Variants in TMCO5A observed in about 807,000 individuals in gnomAD.
TMCO5A encodes transmembrane and coiled-coil domain-containing protein 5A.
In TMCO5A, 34 loss-of-function variants were observed where a neutral mutation model predicts 42.3. That is an observed-to-expected ratio of 0.80 (90% confidence interval 0.61 to 1.07). TMCO5A has a LOEUF of 1.07. TMCO5A is among the 50% of genes least tolerant of loss of function. The probability of loss-of-function intolerance (pLI) is 0.00; values close to 1 mark genes in which losing one functional copy is unlikely to be tolerated. For missense variants in TMCO5A, 357 were observed against 327.9 expected, an observed-to-expected ratio of 1.09 and a Z score of -0.69; for synonymous variants, 131 against 115.6, an observed-to-expected ratio of 1.13 and a Z score of -0.86.
At chr15:37,968,972 T>C (rs984053750), downstream of TMCO5A, among the ~76,000 whole-genome samples, 2 of 152,212 alleles carry the variant, frequency 1.3e-5, no homozygotes. Flanking sequence ...AAAAAGAATA[T>C]TTGTTAAATC....
the TMCO5A span, among the ~76,000 whole-genome samples, chr15:38,029,268 T>A: frequency 6.6e-6 from 1 of 152,016 alleles, no homozygotes; most frequent in African/African-American, 2.4e-5. Context: ...TGCTATTAAG[T>A]ATACAGTCTA....
In TMCO5A at chr15:37,939,540, T is replaced by G. The variant is rs117454406; in HGVS notation, c.387+1311T>G. 1.9e-3 allele frequency among the ~76,000 whole-genome samples: 296 copies of G among 152,224 alleles called. 5 individuals are homozygous for G. The East Asian group carries it at 0.034, about 17-fold the overall frequency. On this transcript the variant is annotated intron_variant, in intron 6 of 11. Coordinates refer to ENST00000319669, the MANE Select transcript of TMCO5A (RefSeq NM_152453.4). ...CAGCCAGAATTGAGTGGTGACACTT[T>G]CAGTCTGGCTGCACTCACATTGTCA...
At chr15:37,976,575 C>T in the TMCO5A span, among the ~76,000 whole-genome samples, 1 of 152,278 alleles carries the variant, frequency 6.6e-6, no homozygotes, top group East Asian at 1.9e-4. Context: ...TTTTCATAAT[C>T]CCATGTATCT....
chr15:38,015,352 G>T, the TMCO5A span, among the ~76,000 whole-genome samples: 2 of 152,030 alleles, frequency 1.3e-5, no homozygotes, highest in Non-Finnish European at 2.9e-5. Flanking sequence ...ACCATTTAAT[G>T]ATATTAAATT....
the TMCO5A span, among the ~76,000 whole-genome samples, chr15:37,982,701 CTA>C: frequency 6.4e-5 from 9 of 139,912 alleles, no homozygotes; most frequent in Admixed American, 2.2e-4. Flanking sequence ...GTTATATGAT[CTA>C]TGTTTATAAT....
At chr15:37,986,602 A>T in the TMCO5A span, among the ~76,000 whole-genome samples, 50 of 151,974 alleles carry the variant, frequency 3.3e-4, no homozygotes, top group Non-Finnish European at 6.0e-4. Context: ...CCATTAAACA[A>T]TATCTCCCCA....
the TMCO5A span, among the ~76,000 whole-genome samples, chr15:37,981,045 C>G: frequency 6.6e-6 from 1 of 152,000 alleles, no homozygotes; most frequent in African/African-American, 2.4e-5. Flanking sequence ...AGAATCAAAT[C>G]TCCACTGCCA....
At chr15:38,002,778 G>A in the TMCO5A span, among the ~76,000 whole-genome samples, 2 of 151,888 alleles carry the variant, frequency 1.3e-5, no homozygotes, top group Non-Finnish European at 2.9e-5. Flanking sequence ...CTCAAATTTT[G>A]TTGAGACTCC....
intron 11 of TMCO5A, among the ~76,000 whole-genome samples, chr15:37,962,585 A>G (rs1300783891): frequency 1.3e-5 from 2 of 151,916 alleles, no homozygotes; most frequent in Admixed American, 6.6e-5. Flanking sequence ...TTCCCTCTTT[A>G]TCTTGTGGAA....
Position 37,936,400 on chromosome 15 carries a change from G to A in TMCO5A, c.77G>A (p.Arg26Lys), listed in dbSNP as rs552835272. The change falls in exon 3 of 12, where the codon AGA (arginine) becomes AAA (lysine). Residue 26 changes from arginine (R) to lysine (K), a missense_variant. Physicochemically the swap from Arg to Lys is conservative, Grantham distance 26. Coordinates refer to ENST00000319669, the MANE Select transcript of TMCO5A (RefSeq NM_152453.4). ...LNMDLERDTQ[R>K]IDEANQKLLL... Reference sequence around the variant, plus strand: ...ATGGACCTTGAAAGGGATACGCAGAGAATAGATGAAGCAAATCAGAAACTT... The same window carrying A: ...ATGGACCTTGAAAGGGATACGCAGAAAATAGATGAAGCAAATCAGAAACTT... 1.2e-6 allele frequency: 2 copies of A among 1,613,118 alleles called. No homozygotes were observed. The highest frequency in any genetic ancestry group is 8.5e-7 in the Non-Finnish European group (1 of 1,179,410).
At chr15:38,024,485 G>T in the TMCO5A span, among the ~76,000 whole-genome samples, 1 of 152,158 alleles carries the variant, frequency 6.6e-6, no homozygotes, top group Non-Finnish European at 1.5e-5. Flanking sequence ...CCATTGAATT[G>T]TACCCTGGTG....
chr15:37,974,498 C>T, the TMCO5A span, among the ~76,000 whole-genome samples: 3 of 152,100 alleles, frequency 2.0e-5, no homozygotes. Context: ...GCGTAGGTTT[C>T]CAAGAATTTA....
intron 11 of TMCO5A, among the ~76,000 whole-genome samples, chr15:37,959,541 A>T (rs978125491): frequency 4.6e-5 from 7 of 152,080 alleles, no homozygotes; most frequent in African/African-American, 1.7e-4. Context: ...ACATACACAA[A>T]TCAATCAATG....
intron 8 of TMCO5A, among the ~76,000 whole-genome samples, 179 bp from the exon 9 acceptor site, chr15:37,942,012 G>T (rs1889764032): frequency 6.6e-6 from 1 of 152,114 alleles, no homozygotes; most frequent in African/African-American, 2.4e-5. Context: ...AACCTGTCCA[G>T]TGGTAAGGCA....
At chr15:37,981,558 T>G in the TMCO5A span, among the ~76,000 whole-genome samples, 1 of 152,190 alleles carries the variant, frequency 6.6e-6, no homozygotes, top group Non-Finnish European at 1.5e-5. Flanking sequence ...GACAAGCGCA[T>G]GTAGGTTCAG....
exon 12 of TMCO5A, chr15:37,967,411 T>C (rs1209987063): frequency 2.6e-5 from 4 of 152,206 alleles, no homozygotes; most frequent in African/African-American, 9.6e-5. Context: ...TATGAAAATG[T>C]GTAACCAACC....
At chr15:37,955,566 C>T (rs1890266481), downstream of TMCO5A, among the ~76,000 whole-genome samples, 1 of 152,044 alleles carries the variant, frequency 6.6e-6, no homozygotes, top group Non-Finnish European at 1.5e-5. Context: ...ATATATGCAC[C>T]CAATACAGGA....
At chr15:37,945,493 C>A (rs1889913975) in intron 10 of TMCO5A, among the ~76,000 whole-genome samples, 1 of 152,184 alleles carries the variant, frequency 6.6e-6, no homozygotes, top group Non-Finnish European at 1.5e-5. Flanking sequence ...CTCCCAGCAA[C>A]AGTGTAAAAG....
chr15:38,020,733 A>G, the TMCO5A span, among the ~76,000 whole-genome samples: 7 of 152,182 alleles, frequency 4.6e-5, no homozygotes, highest in African/African-American at 1.7e-4. Context: ...ATATAATTTT[A>G]TTTGTCAATT....
Sources: allele counts gnomAD v4.1 joint callset (sites outside exome capture counted in the v4.1 genomes callset), GRCh38; gene constraint gnomAD v4.1.1; transcripts MANE v1.5; gene names NCBI Gene and HGNC (gene_info 2026-07-23, HGNC 2026-07-21).